SLC25A12: variants seen among roughly 807,000 people sequenced by gnomAD.
SLC25A12 encodes the protein electrogenic aspartate/glutamate antiporter SLC25A12, mitochondrial.
SLC25A12 carries 32 observed loss-of-function variants against 83.3 expected under a neutral mutation model. The ratio of observed to expected loss-of-function variants is 0.38; its 90% CI spans 0.29 to 0.52. The LOEUF is 0.52. Ranked by LOEUF, SLC25A12 falls within the 20% of genes least tolerant of loss-of-function variation. SLC25A12 has a pLI of 0.84. For missense variants in SLC25A12, 611 were observed against 835.6 expected (o/e 0.73, Z 3.31); for synonymous variants, 267 against 291.1 (o/e 0.92, Z 0.84).
chr2:171,881,705 G>A (rs995745070), intron 2 of SLC25A12, among the ~76,000 whole-genome samples: 2 of 152,158 alleles, frequency 1.3e-5, no homozygotes, highest in Non-Finnish European at 2.9e-5. Context: ...TAGGCTATGA[G>A]TCCTTTAAAA....
intron 13 of SLC25A12, among the ~76,000 whole-genome samples, chr2:171,799,027 C>T (rs1683657251): frequency 6.6e-6 from 1 of 151,330 alleles, no homozygotes; most frequent in Non-Finnish European, 1.5e-5. Context: ...ACCATGCAAG[C>T]ACACAGCAGC....
At chr2:171,852,567 C>T (rs2105902950) in intron 4 of SLC25A12, 1 of 372,522 alleles carries the variant, frequency 2.7e-6, no homozygotes. Flanking sequence ...GGATTTAACT[C>T]TATTTAGAAT....
Position 171,893,228 on chromosome 2 carries a change from C to G in SLC25A12, c.43G>C (p.Glu15Gln), listed in dbSNP as rs1019534146. 6.2e-7 allele frequency: 1 copy of G among 1,614,100 alleles called. No homozygotes were observed. The highest frequency in any genetic ancestry group is 8.5e-7 in the Non-Finnish European group (1 of 1,180,016). The change falls in exon 2 of 18, where the codon GAG (glutamate) becomes CAG (glutamine). Residue 15 changes from glutamate to glutamine, a missense_variant. By Grantham distance (29) the Glu-to-Gln change is conservative (BLOSUM62 2). Around this residue, in one of 3 missense-constraint regions of SLC25A12, gnomAD observed 34 missense variants for 23.0 expected, o/e 1.48. Coordinates refer to ENST00000422440, the MANE Select transcript of SLC25A12 (RefSeq NM_003705.5). ...ACCTGTAGAAATATGTTTCTTAACTCATGAGGATCCCCTCGCTTAGTTGTC... is the reference window on the plus strand; with the variant it reads ...ACCTGTAGAAATATGTTTCTTAACTGATGAGGATCCCCTCGCTTAGTTGTC... Reference protein sequence around the residue: ...VQTTKRGDPHELRNIFLQYAS... With the variant: ...VQTTKRGDPHQLRNIFLQYAS...
At chr2:171,866,905 C>T (rs1359572038) in intron 3 of SLC25A12, among the ~76,000 whole-genome samples, 1 of 151,240 alleles carries the variant, frequency 6.6e-6, no homozygotes, top group Non-Finnish European at 1.5e-5. Context: ...AGGGGCTCCT[C>T]ACTTCTCAGA....
intron 5 of SLC25A12, among the ~76,000 whole-genome samples, chr2:171,838,910 A>G (rs1310203575): frequency 6.6e-6 from 1 of 152,180 alleles, no homozygotes; most frequent in Admixed American, 6.5e-5. Context: ...TATTCTCTCT[A>G]CTTTTGAGTA....
chr2:171,826,713 A>G (rs1684306601), intron 9 of SLC25A12, 85 bp downstream of exon 9: 1 of 808,766 alleles, frequency 1.2e-6, no homozygotes, highest in African/African-American at 1.7e-5. Flanking sequence ...TTTAATTTTT[A>G]CAGCATTCAG....
intron 13 of SLC25A12, among the ~76,000 whole-genome samples, chr2:171,800,105 T>C (rs1477817558): frequency 6.6e-6 from 1 of 152,200 alleles, no homozygotes; most frequent in Non-Finnish European, 1.5e-5. Flanking sequence ...CTCCCTTAAG[T>C]TTCTGGATCT....
In SLC25A12 at chr2:171,783,418, A is replaced by T. The variant is rs1690431144; in HGVS notation, c.*1856T>A. On this transcript the variant is annotated 3_prime_UTR_variant, in exon 18 of 18. Coordinates refer to ENST00000422440, the MANE Select transcript of SLC25A12 (RefSeq NM_003705.5). ...AAATACTATGCAGCCATTAAAAATA[A>T]AACTTTATAAACTGACATGGAAAGA... Among the ~76,000 whole-genome samples, 1 of 152,230 alleles carries T rather than the reference A, an allele frequency of 6.6e-6. No individual in the cohort carries two copies. The highest frequency in any genetic ancestry group is 1.5e-5 in the Non-Finnish European group (1 of 68,036).
chr2:171,847,781 A>C (rs4668414), intron 4 of SLC25A12, among the ~76,000 whole-genome samples: 40,518 of 152,130 alleles, frequency 0.27, 5,514 homozygotes, highest in African/African-American at 0.3. Context: ...CTTCCTGCAG[A>C]GCATGGGCTT....
chr2:171,815,757 A>G (rs1243128444), intron 9 of SLC25A12, among the ~76,000 whole-genome samples: 1 of 152,172 alleles, frequency 6.6e-6, no homozygotes, highest in Non-Finnish European at 1.5e-5. Flanking sequence ...TTTCACAGGT[A>G]TCCCACAGCA....
chr2:171,830,889 T>C (rs907597399), intron 8 of SLC25A12, among the ~76,000 whole-genome samples: 1 of 152,138 alleles, frequency 6.6e-6, no homozygotes, highest in East Asian at 1.9e-4. Context: ...AAATGTGAGA[T>C]ATATAGGGTT....
intron 2 of SLC25A12, among the ~76,000 whole-genome samples, chr2:171,883,778 A>T (rs887979925): frequency 3.3e-5 from 5 of 152,132 alleles, no homozygotes; most frequent in Non-Finnish European, 7.4e-5. Context: ...AAAATGATTT[A>T]AAAAATGATG....
At chr2:171,798,753 A>G (rs1683650622) in intron 13 of SLC25A12, among the ~76,000 whole-genome samples, 1 of 152,186 alleles carries the variant, frequency 6.6e-6, no homozygotes, top group Admixed American at 6.5e-5. Context: ...AAAAGAAATA[A>G]ATGCAATGTG....
chr2:171,808,717 C>T (rs1683885792), intron 13 of SLC25A12, among the ~76,000 whole-genome samples: 1 of 152,150 alleles, frequency 6.6e-6, no homozygotes. Context: ...TGTTATTATA[C>T]TTTAAGTTTT....
chr2:171,867,364 A>C (rs551491782), intron 3 of SLC25A12, among the ~76,000 whole-genome samples: 2 of 152,124 alleles, frequency 1.3e-5, no homozygotes, highest in South Asian at 4.2e-4. Flanking sequence ...AGTGAACCAG[A>C]CTCGGTCTGC....
chr2:171,866,623 G>C (rs1328595611), intron 3 of SLC25A12, among the ~76,000 whole-genome samples: 249 of 106,946 alleles, frequency 2.3e-3, no homozygotes, highest in South Asian at 3.3e-3. Context: ...CGGGGCGGCT[G>C]GCCGGGCGGG....
At chr2:171,811,127 A>T (rs1302949836) in intron 11 of SLC25A12, among the ~76,000 whole-genome samples, 2 of 152,196 alleles carry the variant, frequency 1.3e-5, no homozygotes, top group African/African-American at 4.8e-5. Flanking sequence ...AACAATAAAC[A>T]TTTTATATCC....
chr2:171,840,645 G>C (rs1306522043), intron 5 of SLC25A12, among the ~76,000 whole-genome samples: 1 of 151,880 alleles, frequency 6.6e-6, no homozygotes, highest in Non-Finnish European at 1.5e-5. Flanking sequence ...AAAATAGAAG[G>C]CTCAGAAGGA....
chr2:171,889,210 A>C (rs1253839854), intron 2 of SLC25A12, among the ~76,000 whole-genome samples: 6 of 152,156 alleles, frequency 3.9e-5, no homozygotes, highest in African/African-American at 1.4e-4. Flanking sequence ...TCCAACTTTA[A>C]CTTAGTGAGA....
Sources: gnomAD v4.1 joint callset for allele counts (sites outside exome capture counted in the v4.1 genomes callset) on GRCh38, gnomAD v4.1.1 for gene constraint, gnomAD v4.1.1 regional missense constraint, MANE v1.5 for transcripts, NCBI Gene and HGNC (gene_info 2026-07-23, HGNC 2026-07-21) for gene names.